BANK1: variants seen among roughly 807,000 people sequenced by gnomAD.
BANK1 encodes the protein B-cell scaffold protein with ankyrin repeats.
BANK1 carries 95 observed loss-of-function variants against 94.5 expected under a neutral mutation model. The observed-to-expected ratio is 1.00, with a 90% confidence interval of 0.85 to 1.19. The LOEUF (loss-of-function observed/expected upper bound fraction) is 1.19. Ranked by LOEUF, BANK1 falls within the 50% of genes most tolerant of loss-of-function variation. The pLI, the probability that BANK1 is intolerant of heterozygous loss-of-function variation, is 0.00. For synonymous variants in BANK1, 334 were observed against 308.4 expected (o/e 1.08, Z -0.87); for missense variants, 987 against 932.2 (o/e 1.06, Z -0.77).
intron 7 of BANK1, among the ~76,000 whole-genome samples, chr4:101,934,395 G>A (rs1293555614): frequency 2.0e-5 from 3 of 151,318 alleles, no homozygotes; most frequent in African/African-American, 7.3e-5. Context: ...CAGACAATTG[G>A]GAGGAATAGA....
At chr4:102,048,576 A>G (rs757281728) in intron 11 of BANK1, among the ~76,000 whole-genome samples, 1 of 152,174 alleles carries the variant, frequency 6.6e-6, no homozygotes, top group Non-Finnish European at 1.5e-5. Context: ...TTGGTAGAAC[A>G]ATAAAAAGGG....
chr4:101,827,524 A>G (rs1296269946), intron 1 of BANK1, among the ~76,000 whole-genome samples: 1 of 151,976 alleles, frequency 6.6e-6, no homozygotes, highest in East Asian at 1.9e-4. Context: ...CTGTGTAATC[A>G]CTTTTATTTC....
chr4:101,936,295 A>G (rs964905243), intron 7 of BANK1, among the ~76,000 whole-genome samples: 1 of 150,376 alleles, frequency 6.6e-6, no homozygotes. Context: ...ACATATATGC[A>G]CACATACATG....
intron 10 of BANK1, among the ~76,000 whole-genome samples, chr4:102,035,580 A>G (rs1007528204): frequency 1.2e-4 from 18 of 150,714 alleles, no homozygotes; most frequent in Non-Finnish European, 2.2e-4. Context: ...CCCGGGAGGC[A>G]GAGCTTGCAG....
At chr4:101,970,777 C>T (rs1391419971) in intron 7 of BANK1, among the ~76,000 whole-genome samples, 2 of 152,116 alleles carry the variant, frequency 1.3e-5, no homozygotes, top group Non-Finnish European at 1.5e-5. Flanking sequence ...GAAAACCAAA[C>T]ATCTGATAAG....
intron 6 of BANK1, among the ~76,000 whole-genome samples, chr4:101,900,707 T>C (rs909601663): frequency 3.9e-5 from 6 of 152,186 alleles, no homozygotes; most frequent in Admixed American, 1.3e-4. Flanking sequence ...TTAACTGAAA[T>C]AGAGGTGCTA....
intron 5 of BANK1, among the ~76,000 whole-genome samples, chr4:101,883,625 C>T (rs796440316): frequency 1.3e-5 from 2 of 152,160 alleles, no homozygotes; most frequent in South Asian, 2.1e-4. Flanking sequence ...TTTGATCACC[C>T]GTGCAGAGGA....
chr4:101,943,032 G>A (rs1723806108), intron 7 of BANK1, among the ~76,000 whole-genome samples: 1 of 151,876 alleles, frequency 6.6e-6, no homozygotes, highest in Non-Finnish European at 1.5e-5. Flanking sequence ...TGAGCCAATG[G>A]TAGTTAGCCA....
At chr4:102,057,913 A>G in intron 11 of BANK1, among the ~76,000 whole-genome samples, 1 of 152,216 alleles carries the variant, frequency 6.6e-6, no homozygotes, top group East Asian at 1.9e-4. Flanking sequence ...TCACAATAGA[A>G]TAACACATAT....
At chr4:101,839,497 C>A (rs1726951650) in intron 2 of BANK1, among the ~76,000 whole-genome samples, 1 of 152,120 alleles carries the variant, frequency 6.6e-6, no homozygotes, top group Non-Finnish European at 1.5e-5. Flanking sequence ...GCTCGTCAAT[C>A]CATTTAATAG....
chr4:101,917,653 C>T (rs1722870707), intron 6 of BANK1, among the ~76,000 whole-genome samples: 1 of 151,710 alleles, frequency 6.6e-6, no homozygotes, highest in Non-Finnish European at 1.5e-5. Context: ...CGTTATTTAG[C>T]GTTTGGTTAA....
Position 101,804,478 on chromosome 4 carries a change from A to G in BANK1, c.70+13528A>G, listed in dbSNP as rs138621806. 6.3e-3 allele frequency among the ~76,000 whole-genome samples: 961 copies of G among 152,296 alleles called. 12 individuals are homozygous for G. Among genetic ancestry groups the G allele is most frequent in the African/African-American group, 0.022 (909 of 41,568 alleles). On this transcript the variant is annotated intron_variant, in intron 1 of 16. Coordinates refer to ENST00000322953, the MANE Select transcript of BANK1 (RefSeq NM_017935.5). Reference sequence around the variant, plus strand: ...AACCTTGAATAATGCCATGGGACTCATGGGAAGTACCACTAGTGATGCTGG... The same window carrying G: ...AACCTTGAATAATGCCATGGGACTCGTGGGAAGTACCACTAGTGATGCTGG...
At chr4:102,051,866 T>A (rs575340625) in intron 11 of BANK1, among the ~76,000 whole-genome samples, 3 of 152,028 alleles carry the variant, frequency 2.0e-5, no homozygotes, top group African/African-American at 7.2e-5. Context: ...GATGGGAAGG[T>A]CAAGAAGTCT....
chr4:101,929,029 T>C (rs1723255140), intron 7 of BANK1, among the ~76,000 whole-genome samples: 1 of 151,690 alleles, frequency 6.6e-6, no homozygotes, highest in Non-Finnish European at 1.5e-5. Flanking sequence ...AACAACCTGC[T>C]AACTTTATGG....
chr4:101,936,293 GCA>G (rs1464911107), intron 7 of BANK1, among the ~76,000 whole-genome samples: 3 of 149,490 alleles, frequency 2.0e-5, no homozygotes, highest in East Asian at 2.0e-4. Flanking sequence ...ACACATATAT[GCA>G]CACATACATG....
intron 11 of BANK1, among the ~76,000 whole-genome samples, chr4:102,044,374 T>G (rs564874391): frequency 6.6e-6 from 1 of 152,380 alleles, no homozygotes; most frequent in East Asian, 1.9e-4. Flanking sequence ...TCATTTTTTA[T>G]GGCTGCATAG....
intron 7 of BANK1, among the ~76,000 whole-genome samples, chr4:101,947,284 A>AATATATATATATATATATATATATAT (rs36202521): frequency 3.3e-4 from 19 of 58,252 alleles, no homozygotes; most frequent in Non-Finnish European, 5.9e-4. Context: ...AGAAGTTGTA[A>AATATATATATATATATATATATATAT]ATATATATAT....
At chr4:101,871,204 T>C (rs1424721253) in intron 5 of BANK1, among the ~76,000 whole-genome samples, 1 of 152,138 alleles carries the variant, frequency 6.6e-6, no homozygotes, top group Admixed American at 6.6e-5. Context: ...ATTGGGAATA[T>C]GTGCTTATTC....
At chr4:102,063,162 CA>C in intron 13 of BANK1, 24 bp downstream of exon 13, 1 of 1,588,030 alleles carries the variant, frequency 6.3e-7, no homozygotes, top group Non-Finnish European at 8.6e-7. Context: ...GCCTGCTATT[CA>C]AAAATAATAG....
Sources: allele counts gnomAD v4.1 joint callset (sites outside exome capture counted in the v4.1 genomes callset), GRCh38; gene constraint gnomAD v4.1.1; transcripts MANE v1.5; gene names NCBI Gene and HGNC (gene_info 2026-07-23, HGNC 2026-07-21).